NUMA1: variants seen among roughly 807,000 people sequenced by gnomAD.
NUMA1 encodes the protein SP-H antigen.
In NUMA1, 62 loss-of-function variants were observed where a neutral mutation model predicts 237.1. That is an observed-to-expected ratio of 0.26 (90% CI 0.21 to 0.32). NUMA1 has a LOEUF of 0.32. NUMA1 is among the 10% of genes least tolerant of loss of function. NUMA1 has a pLI of 1.00. For missense variants in NUMA1, 2,533 were observed against 2,666.5 expected (o/e 0.95, Z 1.10); for synonymous variants, 1,028 against 1,066.1 (o/e 0.96, Z 0.70).
chr11:72,035,815 T>C, intron 3 of NUMA1, 87 bp downstream of exon 3: 1 of 1,204,814 alleles, frequency 8.3e-7, no homozygotes. Context: ...AGACTTTACA[T>C]AGCCCTGGCT....
intron 3 of NUMA1, among the ~76,000 whole-genome samples, chr11:72,031,361 T>C (rs1204955749): frequency 2.0e-5 from 3 of 152,076 alleles, no homozygotes; most frequent in East Asian, 1.9e-4. Flanking sequence ...AAAATTAAAA[T>C]AATGAAGTAG....
At chr11:72,018,613 G>A in intron 10 of NUMA1, 100 bp from the exon 11 acceptor site, 2 of 1,099,454 alleles carry the variant, frequency 1.8e-6, no homozygotes, top group South Asian at 1.4e-5. Flanking sequence ...GGAGGAGACG[G>A]CATAGGGAAG....
Position 72,006,095 on chromosome 11 carries a change from G to A in NUMA1, c.5632C>T (p.Pro1878Ser). Residue 1878 changes from proline (P) to serine (S), a missense_variant, in exon 22 of 27, where the codon CCC becomes TCC. Coordinates refer to ENST00000393695, the MANE Select transcript of NUMA1 (RefSeq NM_006185.4). Reference protein sequence around the residue: ...SALLSLPGYRPTTRSSARRSQ... With the variant: ...SALLSLPGYRSTTRSSARRSQ... ...CGACGAGCAGAACTGCGAGTGGTGG[G>A]GCGGTAGCCAGGCAAGCTGAGCAGG... 1.2e-6 allele frequency: 2 copies of A among 1,614,146 alleles called. No homozygotes were observed. Among genetic ancestry groups the A allele is most frequent in the Admixed American group, 1.7e-5 (1 of 60,034 alleles).
At chr11:72,017,507 A>AAG in intron 13 of NUMA1, 180 bp downstream of exon 13, 1 of 717,050 alleles carries the variant, frequency 1.4e-6, no homozygotes, top group African/African-American at 1.8e-5. Context: ...GAAAAAAAAA[A>AAG]TAAGTTAAAA....
chr11:72,005,855 C>T, intron 22 of NUMA1, 180 bp downstream of exon 22: 1 of 608,938 alleles, frequency 1.6e-6, no homozygotes, highest in South Asian at 2.1e-5. Flanking sequence ...CCCAACACAG[C>T]CAGCCCCTAG....
At chr11:72,072,870 G>A (rs542827248) in intron 1 of NUMA1, among the ~76,000 whole-genome samples, 9 of 152,000 alleles carry the variant, frequency 5.9e-5, no homozygotes, top group East Asian at 1.9e-4. Context: ...GTGAAACCCC[G>A]TCTCTACTAA....
At chr11:72,050,364 A>C (rs942731144) in intron 2 of NUMA1, among the ~76,000 whole-genome samples, 1 of 152,190 alleles carries the variant, frequency 6.6e-6, no homozygotes, top group Non-Finnish European at 1.5e-5. Context: ...AATGCCTTTA[A>C]TCACTGATAG....
intron 3 of NUMA1, among the ~76,000 whole-genome samples, 156 bp from the exon 4 acceptor site, chr11:72,029,446 C>T (rs1490455035): frequency 6.6e-6 from 1 of 152,204 alleles, no homozygotes; most frequent in African/African-American, 2.4e-5. Context: ...AGTGCCGTTG[C>T]ACTCACTCAT....
rs1304535377 is a variant in NUMA1, at chr11:72,035,989, G to A, written c.-32-14C>T. 2 of 1,596,736 alleles carry A rather than the reference G, an allele frequency of 1.3e-6. No individual in the cohort carries two copies. The highest frequency in any genetic ancestry group is 3.3e-5 in the Admixed American group (2 of 59,934). ...ACTCCAATGCGCCTGGAACCCAAGA[G>A]AGGAAGAAAAGCAGTTAATCATATC... On this transcript the variant is annotated splice_polypyrimidine_tract_variant and intron_variant, in intron 2 of 26. Coordinates refer to ENST00000393695, the MANE Select transcript of NUMA1 (RefSeq NM_006185.4).
intron 4 of NUMA1, among the ~76,000 whole-genome samples, chr11:72,028,489 G>A (rs1377838218): frequency 1.5e-5 from 2 of 133,008 alleles, no homozygotes; most frequent in Non-Finnish European, 3.1e-5. Flanking sequence ...GATGACAACT[G>A]ACCTATGCTT....
rs1361564631 is a variant in NUMA1, at chr11:72,013,264, C to T, written c.4239G>A (p.Arg1413=). 1 of 1,604,780 alleles carries T rather than the reference C, an allele frequency of 6.2e-7. No homozygotes were observed. Among genetic ancestry groups the T allele is most frequent in the Non-Finnish European group, 8.5e-7 (1 of 1,179,812 alleles). Reference sequence around the variant, plus strand: ...TTCGCTCCTGCTCTGCCACCTTCTGCCGCAGAGGAATCAGCTCCCCAAGCT... The same window carrying T: ...TTCGCTCCTGCTCTGCCACCTTCTGTCGCAGAGGAATCAGCTCCCCAAGCT... The part of the protein sequence containing the change: ...QRELGELIPL[R]QKVAEQERTA... Residue 1413 remains arginine, a synonymous_variant, in exon 15 of 27, where the codon CGG becomes CGA. Coordinates refer to ENST00000393695, the MANE Select transcript of NUMA1 (RefSeq NM_006185.4). This position sits in a 1 kb window ranked among gnomAD's most constrained non-coding sequence, Gnocchi z 6.8.
intron 16 of NUMA1, among the ~76,000 whole-genome samples, chr11:72,011,746 CAG>C (rs893659923): frequency 2.0e-5 from 3 of 152,176 alleles, no homozygotes; most frequent in Non-Finnish European, 4.4e-5. Flanking sequence ...TCAGGCAACA[CAG>C]AGATGATTCC....
intron 2 of NUMA1, among the ~76,000 whole-genome samples, chr11:72,043,288 C>G (rs554727720): frequency 6.6e-5 from 10 of 151,880 alleles, no homozygotes; most frequent in African/African-American, 2.4e-4. Context: ...ATGGCGAAAC[C>G]CTGTTTCTAC....
At chr11:72,004,528 G>C in intron 24 of NUMA1, 112 bp downstream of exon 24, 1 of 1,291,956 alleles carries the variant, frequency 7.7e-7, no homozygotes, top group Non-Finnish European at 1.1e-6. Flanking sequence ...TGGAGAGAGG[G>C]AAAGAGAGGG....
intron 2 of NUMA1, chr11:72,041,199 A>G (rs1941629889): frequency 6.6e-6 from 1 of 151,760 alleles, no homozygotes; most frequent in Non-Finnish European, 1.5e-5. Context: ...TGGGAGCGAC[A>G]GCAAGCAGGG....
intron 2 of NUMA1, among the ~76,000 whole-genome samples, chr11:72,036,388 T>C (rs1018830365): frequency 1.3e-5 from 2 of 152,242 alleles, no homozygotes; most frequent in African/African-American, 4.8e-5. Flanking sequence ...CTTTCAGTCT[T>C]TTTCTTTATC....
intron 19 of NUMA1, 50 bp downstream of exon 19, chr11:72,008,917 A>G: frequency 1.2e-6 from 2 of 1,612,370 alleles, no homozygotes; most frequent in Non-Finnish European, 8.5e-7. Flanking sequence ...GAGAGGGCAC[A>G]GGGGTCCAGT....
chr11:72,072,453 G>C (rs967944291), intron 1 of NUMA1, among the ~76,000 whole-genome samples: 1 of 152,150 alleles, frequency 6.6e-6, no homozygotes, highest in African/African-American at 2.4e-5. Context: ...GAAGAAATCT[G>C]CAAGGCTGAA....
chr11:72,067,130 C>T (rs1943236414), intron 2 of NUMA1: 1 of 152,204 alleles, frequency 6.6e-6, no homozygotes, highest in Non-Finnish European at 1.5e-5. Flanking sequence ...ACCTCCTCTT[C>T]TTAGTGAGCT....
Sources: gnomAD v4.1 joint callset for allele counts (sites outside exome capture counted in the v4.1 genomes callset) on GRCh38, gnomAD v4.1.1 for gene constraint, Gnocchi (gnomAD v3.1) non-coding constraint, MANE v1.5 for transcripts, NCBI Gene and HGNC (gene_info 2026-07-23, HGNC 2026-07-21) for gene names.